The following CYP3A5 variants were observed in gnomAD, a reference collection of about 807,000 sequenced individuals.
The protein encoded by CYP3A5 is cytochrome P450 3A5.
CYP3A5 carries 51 observed loss-of-function variants against 55.9 expected under a neutral mutation model. That is an observed-to-expected ratio of 0.91 (90% confidence interval 0.73 to 1.15). The LOEUF (loss-of-function observed/expected upper bound fraction) is 1.15. Among genes scored for constraint, CYP3A5 ranks in the 50% most tolerant of loss-of-function variants. The pLI is 0.00. For synonymous variants in CYP3A5, 196 were observed against 213.9 expected (o/e 0.92, Z 0.73); for missense variants, 533 against 596.6 (o/e 0.89, Z 1.11).
intron 1 of CYP3A5, among the ~76,000 whole-genome samples, chr7:99,679,356 C>T (rs985338983): frequency 2.6e-5 from 4 of 152,026 alleles, no homozygotes; most frequent in African/African-American, 9.7e-5. Flanking sequence ...GGAACCAGGT[C>T]TACAGGGGCA....
chr7:99,672,472 C>T, intron 4 of CYP3A5, 108 bp downstream of exon 4: 4 of 949,758 alleles, frequency 4.2e-6, no homozygotes, highest in Non-Finnish European at 6.7e-6. Context: ...TACATGGAAC[C>T]TTCCTGTACA....
chr7:99,664,136 A>G (rs762526039), intron 7 of CYP3A5, 41 bp from the exon 8 acceptor site: 1 of 1,487,244 alleles, frequency 6.7e-7, no homozygotes, highest in Non-Finnish European at 9.1e-7. Flanking sequence ...ATCATTGAAA[A>G]TGCAAACTTT....
rs531472342 is a variant in CYP3A5, at chr7:99,655,311, C to T, written c.1027-2532G>A. On this transcript the variant is annotated intron_variant, in intron 10 of 12. Transcript: ENST00000222982. ...TTTCTATATATGGCTAGCCAGTTTT[C>T]CCAGCACCATTTATTAAATAGGGAA... Among the ~76,000 whole-genome samples, 15 of 152,274 alleles carry T rather than the reference C, an allele frequency of 9.9e-5. No homozygotes were observed. In the South Asian group the frequency reaches 3.1e-3, roughly 32 times the overall value.
At chr7:99,665,883 CAG>C (rs1299129998) in intron 6 of CYP3A5, among the ~76,000 whole-genome samples, 1 of 152,158 alleles carries the variant, frequency 6.6e-6, no homozygotes, top group African/African-American at 2.4e-5. Context: ...GCGCTGAGAG[CAG>C]AGTCATTTTT....
At chr7:99,651,187 T>C (rs966644443) in intron 11 of CYP3A5, among the ~76,000 whole-genome samples, 2 of 152,166 alleles carry the variant, frequency 1.3e-5, no homozygotes, top group African/African-American at 4.8e-5. Context: ...TATATGGAGA[T>C]GCACGAAAAC....
At chr7:99,677,052 C>G (rs916784821) in intron 1 of CYP3A5, among the ~76,000 whole-genome samples, 1 of 152,146 alleles carries the variant, frequency 6.6e-6, no homozygotes, top group Non-Finnish European at 1.5e-5. Flanking sequence ...AGGTGGTCAA[C>G]CAGAAAGCAG....
intron 6 of CYP3A5, among the ~76,000 whole-genome samples, chr7:99,666,095 A>G (rs1487938448): frequency 1.3e-5 from 2 of 152,146 alleles, no homozygotes; most frequent in Non-Finnish European, 2.9e-5. Flanking sequence ...TAGCATTTCT[A>G]GCACCCTTTC....
intron 4 of CYP3A5, chr7:99,671,117 T>TTGTGTG (rs59010937): frequency 2.1e-3 from 295 of 141,914 alleles, no homozygotes; most frequent in East Asian, 4.2e-3. Flanking sequence ...CACAGACCAT[T>TTGTGTG]TGTGTGTGTG....
intron 7 of CYP3A5, among the ~76,000 whole-genome samples, chr7:99,664,676 C>A (rs1412049517): frequency 6.6e-6 from 1 of 152,032 alleles, no homozygotes; most frequent in Non-Finnish European, 1.5e-5. Flanking sequence ...GTAGCCAAAC[C>A]AGTGCTCAGA....
rs758899928 is a variant in CYP3A5 at position 99,660,586 on chromosome 7, A to T, written c.939T>A (p.Val313=). The part of the protein sequence containing the change: ...IFAGYETTSS[V]LSFTLYELAT... ...CCAGTTCATATAAAGTGAAGGAAAGAACACTGCTGGTGGTTTCATAGCCAG... is the reference window on the plus strand; with the variant it reads ...CCAGTTCATATAAAGTGAAGGAAAGTACACTGCTGGTGGTTTCATAGCCAG... The change falls in exon 10 of 13, where the codon GTT becomes GTA. Residue 313 remains valine (V), a synonymous_variant. Transcript: ENST00000222982. 1.1e-5 allele frequency: 18 copies of T among 1,613,900 alleles called. No individual in the cohort carries two copies. Among genetic ancestry groups the T allele is most frequent in the Non-Finnish European group, 1.3e-5 (15 of 1,179,996 alleles).
intron 10 of CYP3A5, 70 bp from the exon 11 acceptor site, chr7:99,652,849 C>G (rs931331233): frequency 1.7e-6 from 2 of 1,163,614 alleles, no homozygotes; most frequent in Admixed American, 4.2e-5. Flanking sequence ...CCATGCAGTA[C>G]TATTGAAGTA....
At chr7:99,667,938 A>C (rs1811203259) in intron 4 of CYP3A5, among the ~76,000 whole-genome samples, 1 of 152,218 alleles carries the variant, frequency 6.6e-6, no homozygotes, top group African/African-American at 2.4e-5. Flanking sequence ...ATGTCTTAAT[A>C]CACTAGACAA....
rs374704878 is a variant in CYP3A5 at position 99,660,700 on chromosome 7, C to T, written c.866-41G>A. The T allele has an allele frequency of 1.6e-4, 249 of 1,604,950 alleles. 3 individuals carry two copies. Among genetic ancestry groups the T allele is most frequent in the South Asian group, 1.5e-3 (133 of 90,618 alleles). The stretch of plus-strand genomic sequence containing the variant: ...AGACATTTTAGGTAAATCAGGTCAA[C>T]GTACAACATCACAGCTTAGATGAAA... On this transcript the variant is annotated intron_variant, in intron 9 of 12. Coordinates refer to ENST00000222982, the MANE Select transcript of CYP3A5 (RefSeq NM_000777.5).
chr7:99,678,655 C>CT (rs1480493958), intron 1 of CYP3A5, among the ~76,000 whole-genome samples: 1 of 152,194 alleles, frequency 6.6e-6, no homozygotes, highest in Admixed American at 6.5e-5. Flanking sequence ...TGGAAATAGT[C>CT]TATCTCCAAA....
At chr7:99,677,680 C>T (rs1260059675) in intron 1 of CYP3A5, among the ~76,000 whole-genome samples, 2 of 152,224 alleles carry the variant, frequency 1.3e-5, no homozygotes, top group African/African-American at 2.4e-5. Flanking sequence ...CCCAGTCATA[C>T]ATTTGGTTCC....
rs992205491 is a variant in CYP3A5 at position 99,665,381 on chromosome 7, C to T, written c.522-67G>A. The T allele has an allele frequency of 3.2e-6, 5 of 1,580,246 alleles. No individual in the cohort carries two copies. In the African/African-American group the frequency reaches 5.4e-5, roughly 17 times the overall value. ...TACCGTCCTTCCACTATACATGCAGCAAGAAACCCACATATCCAGTCAAGA... is the reference window on the plus strand; with the variant it reads ...TACCGTCCTTCCACTATACATGCAGTAAGAAACCCACATATCCAGTCAAGA... On this transcript the variant is annotated intron_variant, in intron 6 of 12. Coordinates refer to ENST00000222982, the MANE Select transcript of CYP3A5 (RefSeq NM_000777.5).
intron 4 of CYP3A5, among the ~76,000 whole-genome samples, chr7:99,670,251 G>A (rs1300313796): frequency 6.6e-6 from 1 of 152,172 alleles, no homozygotes; most frequent in Non-Finnish European, 1.5e-5. Flanking sequence ...AGCATTTTTA[G>A]TGGGTTTGAC....
chr7:99,651,080 A>G (rs928957149), intron 11 of CYP3A5, among the ~76,000 whole-genome samples: 1 of 152,150 alleles, frequency 6.6e-6, no homozygotes, highest in East Asian at 1.9e-4. Context: ...TTTACAGGCT[A>G]TTGCTTCAAA....
At chr7:99,648,512 A>G in intron 12 of CYP3A5, 112 bp from the exon 13 acceptor site, 1 of 700,442 alleles carries the variant, frequency 1.4e-6, no homozygotes, top group South Asian at 1.9e-5. Context: ...TATAAAAACG[A>G]CTCTTAACAC....
Sources: allele counts gnomAD v4.1 joint callset (sites outside exome capture counted in the v4.1 genomes callset), GRCh38; gene constraint gnomAD v4.1.1; transcripts MANE v1.5; gene names NCBI Gene and HGNC (gene_info 2026-07-23, HGNC 2026-07-21).